TEX22: variants seen among roughly 807,000 people sequenced by gnomAD.
The protein encoded by TEX22 is testis expressed 22, also known as testis-expressed protein 22.
A neutral mutation model predicts 11.3 loss-of-function variants in TEX22; 16 were observed. The ratio of observed to expected loss-of-function variants is 1.42; its 90% CI spans 0.96 to 2.15. The LOEUF (loss-of-function observed/expected upper bound fraction) is 2.15. Ranked by LOEUF, TEX22 falls within the 30% of genes most tolerant of loss-of-function variation. The probability of loss-of-function intolerance (pLI) is 0.00; values close to 1 mark genes in which losing one functional copy is unlikely to be tolerated. For synonymous variants in TEX22, 97 were observed against 92.3 expected (o/e 1.05, Z -0.29); for missense variants, 220 against 208.6 (o/e 1.05, Z -0.34).
Position 105,411,500 on chromosome 14 carries a change from C to T in TEX22, c.279+4C>T. 2.4e-6 allele frequency: 3 copies of T among 1,242,690 alleles called. No individual in the cohort carries two copies. Among genetic ancestry groups the T allele is most frequent in the Non-Finnish European group, 3.0e-6 (3 of 993,754 alleles). The allele number at this position is 1,242,690 out of a possible 1,614,324, so 77.0% of individuals were successfully genotyped here. A position where few individuals can be genotyped will look rare whatever the true frequency, so the allele number is the denominator to read the frequency against. On this transcript the variant is annotated splice_donor_region_variant and intron_variant, in intron 3 of 3. Transcript: ENST00000451127. ...CGGGACCCAGCTGCACTGCAGGGTGCGCGGGGGGCGGGTCCTCCCCGCCCC... is the reference window on the plus strand; with the variant it reads ...CGGGACCCAGCTGCACTGCAGGGTGTGCGGGGGGCGGGTCCTCCCCGCCCC...
At chr14:105,401,014 C>T (rs1035415713) in intron 2 of TEX22, among the ~76,000 whole-genome samples, 1 of 152,140 alleles carries the variant, frequency 6.6e-6, no homozygotes, top group Non-Finnish European at 1.5e-5. Context: ...AAATGATGTG[C>T]CAGTCTACCT....
chr14:105,411,525 C>CCGGGGG, intron 3 of TEX22, 29 bp downstream of exon 3: 68 of 1,055,846 alleles, frequency 6.4e-5, no homozygotes, highest in East Asian at 2.1e-4. Flanking sequence ...CTCCCCGCCC[C>CCGGGGG]GTCCCCGCCC....
rs1595224385 is a variant in TEX22 at position 105,412,146 on chromosome 14, G to A, written c.*313G>A. On this transcript the variant is annotated 3_prime_UTR_variant, in exon 4 of 4. Coordinates refer to ENST00000451127, the MANE Select transcript of TEX22 (RefSeq NM_001195082.2). This position sits in a 1 kb window ranked among gnomAD's most constrained non-coding sequence, Gnocchi z 5.8. Reference sequence around the variant, plus strand: ...GAGGAGGCCTGGGGTACCTGGGCCTGCCTGAGGTGCACTGGTGTCCTGGGA... The same window carrying A: ...GAGGAGGCCTGGGGTACCTGGGCCTACCTGAGGTGCACTGGTGTCCTGGGA... The A allele has an allele frequency of 2.7e-5, 7 of 259,526 alleles. No homozygotes were observed. The East Asian group carries it at 4.2e-4, about 16-fold the overall frequency. The allele number at this position is 259,526 out of a possible 1,614,324, so 16.1% of individuals were successfully genotyped here.
At chr14:105,398,947 C>T (rs2081605201) in intron 1 of TEX22, among the ~76,000 whole-genome samples, 2 of 152,244 alleles carry the variant, frequency 1.3e-5, no homozygotes, top group Non-Finnish European at 1.5e-5. Context: ...GTAGCAAGGC[C>T]GGGCCCTGAG....
intron 2 of TEX22, among the ~76,000 whole-genome samples, chr14:105,402,126 C>G (rs1249933020): frequency 6.6e-6 from 1 of 152,126 alleles, no homozygotes; most frequent in African/African-American, 2.4e-5. Flanking sequence ...TTGGAGGATG[C>G]AGTGAGCCGA....
Position 105,413,338 on chromosome 14 carries a change from T to G in TEX22, c.*1505T>G, listed in dbSNP as rs750895896. 6 of 152,398 alleles carry G rather than the reference T, an allele frequency of 3.9e-5. No homozygotes were observed. Among genetic ancestry groups the G allele is most frequent in the Non-Finnish European group, 7.3e-5 (5 of 68,218 alleles). The allele number at this position is 152,398 out of a possible 1,614,324, so 9.4% of individuals were successfully genotyped here. A position where few individuals can be genotyped will look rare whatever the true frequency, so the allele number is the denominator to read the frequency against. On this transcript the variant is annotated 3_prime_UTR_variant, in exon 4 of 4. Transcript: ENST00000451127. This position sits in a 1 kb window ranked among gnomAD's most constrained non-coding sequence, Gnocchi z 4.2. ...ATGGGATCCTATGGGCCCAGCTGCA[T>G]GCCAGGCAGGCATCCCCAGGTGTAA...
Position 105,399,640 on chromosome 14 carries a change from A to T in TEX22, c.150+150A>T, listed in dbSNP as rs587688511. On this transcript the variant is annotated intron_variant, in intron 2 of 3. Transcript: ENST00000451127. Reference sequence around the variant, plus strand: ...TGAGAAACAGATGGCTGGACTCAGGAGGCTCTCTTCCCCATGGCCCTGGAC... The same window carrying T: ...TGAGAAACAGATGGCTGGACTCAGGTGGCTCTCTTCCCCATGGCCCTGGAC... 4.6e-4 allele frequency: 429 copies of T among 938,240 alleles called. No individual in the cohort carries two copies. In the African/African-American group the frequency reaches 5.6e-3, roughly 12 times the overall value. 58.1% of individuals were successfully genotyped at this position (938,240 alleles called of 1,614,324 possible). A position where few individuals can be genotyped will look rare whatever the true frequency, so the allele number is the denominator to read the frequency against.
chr14:105,411,425 G>T lies in TEX22; in HGVS notation c.208G>T (p.Glu70Ter). 1.6e-6 allele frequency: 2 copies of T among 1,248,566 alleles called. No individual in the cohort carries two copies. The highest frequency in any genetic ancestry group is 2.0e-6 in the Non-Finnish European group (2 of 1,001,402). The allele number at this position is 1,248,566 out of a possible 1,614,324, so 77.3% of individuals were successfully genotyped here. A position where few individuals can be genotyped will look rare whatever the true frequency, so the allele number is the denominator to read the frequency against. The change falls in exon 3 of 4, where the codon GAG becomes TAG. Residue 70 changes from glutamate (E) to a stop codon, truncating the protein, a stop_gained. Coordinates refer to ENST00000451127, the MANE Select transcript of TEX22 (RefSeq NM_001195082.2). LOFTEE classifies it high-confidence loss of function. ...CCGCCGCTGGAGCGTCAGCATCGAC[G>T]AGCGCCGGCGGCTGGCCACGCTGGG... ...PGRRWSVSID[E>*]RRRLATLGGR...
chr14:105,411,271 C>A, intron 2 of TEX22, 97 bp from the exon 3 acceptor site: 1 of 1,195,662 alleles, frequency 8.4e-7, no homozygotes, highest in Non-Finnish European at 1.0e-6. Flanking sequence ...TTAGAAAGCG[C>A]CCGGGGGCGA....
intron 2 of TEX22, among the ~76,000 whole-genome samples, chr14:105,402,559 C>T (rs11626488): frequency 0.47 from 70,852 of 150,540 alleles, 16,921 homozygotes; most frequent in South Asian, 0.65. Flanking sequence ...TCAAGACCAT[C>T]CTGGCTAACA....
At chr14:105,406,982 G>A (rs782091637) in intron 2 of TEX22, among the ~76,000 whole-genome samples, 2 of 151,970 alleles carry the variant, frequency 1.3e-5, no homozygotes, top group Non-Finnish European at 2.9e-5. Flanking sequence ...CCAGCTTCTC[G>A]CAGCACAGCT....
intron 2 of TEX22, among the ~76,000 whole-genome samples, chr14:105,402,608 T>C (rs587727048): frequency 8.6e-5 from 13 of 151,724 alleles, no homozygotes; most frequent in Middle Eastern, 3.4e-3. Flanking sequence ...ACAAAAAAAT[T>C]AGCCGGGCGT....
intron 2 of TEX22, among the ~76,000 whole-genome samples, chr14:105,402,615 G>A (rs1186485850): frequency 6.6e-6 from 1 of 152,006 alleles, no homozygotes; most frequent in Non-Finnish European, 1.5e-5. Flanking sequence ...AATTAGCCGG[G>A]CGTGGTGGCG....
At chr14:105,402,482 T>C (rs111443109) in intron 2 of TEX22, among the ~76,000 whole-genome samples, 10,338 of 149,612 alleles carry the variant, frequency 0.069, 965 homozygotes, top group African/African-American at 0.23. Flanking sequence ...TGGCCGGGTG[T>C]GGTGGCTCAC....
At chr14:105,407,361 C>G (rs1197418094) in intron 2 of TEX22, among the ~76,000 whole-genome samples, 4 of 151,960 alleles carry the variant, frequency 2.6e-5, no homozygotes. Context: ...AGCCACCATG[C>G]CCGGCCAGTT....
At chr14:105,409,763 C>T (rs587612911) in intron 2 of TEX22, among the ~76,000 whole-genome samples, 48 of 149,940 alleles carry the variant, frequency 3.2e-4, no homozygotes, top group African/African-American at 1.1e-3. Flanking sequence ...CTCCTTCCTT[C>T]CTTCTTTTTC....
chr14:105,411,526 GT>G (rs2081691623), intron 3 of TEX22, 30 bp downstream of exon 3: 2 of 196,874 alleles, frequency 1.0e-5, no homozygotes, highest in Non-Finnish European at 1.3e-5. Flanking sequence ...TCCCCGCCCC[GT>G]CCCCGCCCCG....
rs1555418127 is a variant in TEX22, at chr14:105,399,385, G to C, written c.45G>C (p.Ser15=). 2 of 1,535,658 alleles carry C rather than the reference G, an allele frequency of 1.3e-6. No homozygotes were observed. Among genetic ancestry groups the C allele is most frequent in the Admixed American group, 3.9e-5 (2 of 50,962 alleles). ...CCCCCCGGGGGAAGAAGCTGGAGTCGCACCTCTCCCAAGAGCACAGGCGGC... is the reference window on the plus strand; with the variant it reads ...CCCCCCGGGGGAAGAAGCTGGAGTCCCACCTCTCCCAAGAGCACAGGCGGC... ...KLSPRGKKLE[S]HLSQEHRRPP... The change falls in exon 2 of 4, where the codon TCG becomes TCC. Residue 15 remains serine (S), a synonymous_variant. Coordinates refer to ENST00000451127, the MANE Select transcript of TEX22 (RefSeq NM_001195082.2).
chr14:105,409,815 C>T (rs2081679447), intron 2 of TEX22, among the ~76,000 whole-genome samples: 1 of 147,784 alleles, frequency 6.8e-6, no homozygotes. Flanking sequence ...CTTACTCTGT[C>T]ACCCAGGCTG....
Sources: allele counts gnomAD v4.1 joint callset (sites outside exome capture counted in the v4.1 genomes callset), GRCh38; gene constraint gnomAD v4.1.1; non-coding constraint Gnocchi (gnomAD v3.1); transcripts MANE v1.5; gene names NCBI Gene and HGNC (gene_info 2026-07-23, HGNC 2026-07-21).